Variants in NPSR1 observed in about 807,000 individuals in gnomAD.
The protein encoded by NPSR1 is neuropeptide S receptor.
A neutral mutation model predicts 46.9 loss-of-function variants in NPSR1; 48 were observed. The observed-to-expected ratio is 1.02, with a 90% CI of 0.81 to 1.30. NPSR1 has a LOEUF of 1.30. Among genes scored for constraint, NPSR1 ranks in the 50% most tolerant of loss-of-function variants. The probability of loss-of-function intolerance (pLI) is 0.00; values close to 1 mark genes in which losing one functional copy is unlikely to be tolerated. For synonymous variants in NPSR1, 176 were observed against 168.1 expected (o/e 1.05, Z -0.36); for missense variants, 450 against 449.5 (o/e 1.00, Z -0.01).
chr7:34,773,049 A>G (rs1263752944), intron 2 of NPSR1, among the ~76,000 whole-genome samples: 1 of 152,148 alleles, frequency 6.6e-6, no homozygotes, highest in Admixed American at 6.5e-5. Flanking sequence ...GTTGAAGAGC[A>G]CAGAGGTGCA....
At chr7:34,739,978 C>T (rs553412010) in intron 2 of NPSR1, among the ~76,000 whole-genome samples, 6 of 152,220 alleles carry the variant, frequency 3.9e-5, no homozygotes, top group South Asian at 4.1e-4. Context: ...CATAAGTATA[C>T]GCCGTTTGTC....
chr7:34,667,907 A>G (rs181021820), intron 1 of NPSR1, among the ~76,000 whole-genome samples: 1 of 152,124 alleles, frequency 6.6e-6, no homozygotes, highest in Admixed American at 6.6e-5. Context: ...GATTCCAAGT[A>G]TTAGCAAAAA....
intron 3 of NPSR1, among the ~76,000 whole-genome samples, chr7:34,792,715 TTATATATA>T (rs374455709): frequency 1.0e-5 from 1 of 98,924 alleles, no homozygotes; most frequent in Non-Finnish European, 2.0e-5. Context: ...ATATATATAT[TTATATATA>T]TATATATATA....
intron 2 of NPSR1, among the ~76,000 whole-genome samples, chr7:34,755,538 T>C (rs1785786007): frequency 6.6e-6 from 1 of 152,206 alleles, no homozygotes; most frequent in South Asian, 2.1e-4. Context: ...GTGAACATAC[T>C]ACAGTTGCTT....
chr7:34,796,545 C>G (rs1178372261), intron 3 of NPSR1, among the ~76,000 whole-genome samples: 2 of 152,128 alleles, frequency 1.3e-5, no homozygotes, highest in Non-Finnish European at 2.9e-5. Context: ...AAAAATTACA[C>G]AGAAGGCAAA....
chr7:34,684,265 T>C (rs1471803431), intron 1 of NPSR1, among the ~76,000 whole-genome samples: 2 of 152,358 alleles, frequency 1.3e-5, no homozygotes, highest in East Asian at 3.9e-4. Context: ...AGGGGTGTTC[T>C]TTTTCACATC....
chr7:34,871,795 G>A (rs183682716), intron 8 of NPSR1, among the ~76,000 whole-genome samples: 5 of 151,950 alleles, frequency 3.3e-5, no homozygotes, highest in Non-Finnish European at 7.3e-5. Flanking sequence ...TGATGGGTGG[G>A]CTCCCAAGGC....
chr7:34,727,358 T>G (rs1404582750), intron 2 of NPSR1, among the ~76,000 whole-genome samples: 1 of 152,134 alleles, frequency 6.6e-6, no homozygotes. Context: ...AAAGTCATTT[T>G]GAAAAAGCAA....
chr7:34,680,389 T>C (rs571325465), intron 1 of NPSR1, among the ~76,000 whole-genome samples: 3 of 152,266 alleles, frequency 2.0e-5, no homozygotes, highest in South Asian at 2.1e-4. Flanking sequence ...AAATATGTCA[T>C]TTAAAATAGA....
chr7:34,858,370 A>G (rs1791098808), intron 8 of NPSR1, among the ~76,000 whole-genome samples: 1 of 151,852 alleles, frequency 6.6e-6, no homozygotes, highest in Admixed American at 6.5e-5. Context: ...AAAATGAAGA[A>G]ACTGCATATG....
chr7:34,856,757 G>A (rs570466243), intron 8 of NPSR1, among the ~76,000 whole-genome samples: 19 of 151,710 alleles, frequency 1.3e-4, no homozygotes, highest in Middle Eastern at 6.8e-3. Context: ...ATGAAAACTC[G>A]GGGAAGGGAC....
At position 34,866,201 on chromosome 7, in the gene NPSR1, T is replaced by C. The variant is rs565290144; in HGVS notation, c.1026-11875T>C. Among the ~76,000 whole-genome samples the C allele has an allele frequency of 2.0e-5, 3 of 151,888 alleles. No individual in the cohort carries two copies. In the East Asian group the frequency reaches 5.8e-4, roughly 29 times the overall value. The stretch of plus-strand genomic sequence containing the variant: ...CAGATGAGGCAGAGGTGGATGCCGA[T>C]GGATTGGTCAGCACACTATGGCTGA... On this transcript the variant is annotated intron_variant, in intron 8 of 8. Coordinates refer to the NPSR1 transcript ENST00000359791.
intron 2 of NPSR1, among the ~76,000 whole-genome samples, chr7:34,768,077 T>C (rs936032202): frequency 2.6e-5 from 4 of 152,176 alleles, no homozygotes; most frequent in African/African-American, 7.2e-5. Context: ...CTGATAACTA[T>C]ATGTACTGAG....
At chr7:34,749,614 T>A (rs1462749895) in intron 2 of NPSR1, among the ~76,000 whole-genome samples, 2 of 152,186 alleles carry the variant, frequency 1.3e-5, no homozygotes, top group African/African-American at 4.8e-5. Flanking sequence ...ATAATTCACA[T>A]CTTCCTAAGA....
intron 5 of NPSR1, among the ~76,000 whole-genome samples, chr7:34,828,074 C>T (rs1409167484): frequency 2.0e-5 from 3 of 152,172 alleles, no homozygotes; most frequent in Non-Finnish European, 4.4e-5. Flanking sequence ...AAAAGATAGA[C>T]ATACTTGAAA....
chr7:34,802,653 T>C (rs1049981636), intron 3 of NPSR1, among the ~76,000 whole-genome samples: 1 of 150,366 alleles, frequency 6.7e-6, no homozygotes, highest in African/African-American at 2.5e-5. Context: ...GACATAGGCA[T>C]GGGCAAGGAC....
chr7:34,809,759 T>A (rs576838117), intron 3 of NPSR1, among the ~76,000 whole-genome samples: 43 of 152,258 alleles, frequency 2.8e-4, no homozygotes, highest in Non-Finnish European at 6.0e-4. Context: ...CATTAGTTAT[T>A]TTTCCTGATC....
intron 7 of NPSR1, among the ~76,000 whole-genome samples, chr7:34,848,264 G>T (rs1475423283): frequency 1.3e-5 from 2 of 152,128 alleles, no homozygotes; most frequent in African/African-American, 4.8e-5. Context: ...TACAACCTTT[G>T]CTCAGTTTTA....
chr7:34,783,952 C>A (rs1274332872), intron 3 of NPSR1, among the ~76,000 whole-genome samples: 3 of 151,738 alleles, frequency 2.0e-5, no homozygotes, highest in Admixed American at 1.3e-4. Flanking sequence ...TTTCCCCAGA[C>A]AAACAAAAGC....
Sources: gnomAD v4.1 joint callset for allele counts (sites outside exome capture counted in the v4.1 genomes callset) on GRCh38, gnomAD v4.1.1 for gene constraint, MANE v1.5 for transcripts, NCBI Gene and HGNC (gene_info 2026-07-23, HGNC 2026-07-21) for gene names.